APC: variants seen among roughly 807,000 people sequenced by gnomAD.
The protein encoded by APC is adenomatous polyposis coli protein.
In APC, 72 loss-of-function variants were observed where a neutral mutation model predicts 247.0. That is an observed-to-expected ratio of 0.29 (90% confidence interval 0.24 to 0.35). The LOEUF (loss-of-function observed/expected upper bound fraction) is 0.35. Among genes scored for constraint, APC ranks in the 10% least tolerant of loss-of-function variants. The pLI is 1.00. For missense variants in APC, 3,400 were observed against 3,360.7 expected (o/e 1.01, Z -0.29); for synonymous variants, 1,254 against 1,162.5 (o/e 1.08, Z -1.60).
intron 10 of APC, among the ~76,000 whole-genome samples, chr5:112,820,370 C>T (rs1762994124): frequency 2.0e-5 from 3 of 152,008 alleles, no homozygotes; most frequent in African/African-American, 7.3e-5. Flanking sequence ...ATAAGAAAGG[C>T]CAGGTGTGGT....
chr5:112,827,298 T>G, intron 12 of APC, 51 bp downstream of exon 12: 1 of 1,592,316 alleles, frequency 6.3e-7, no homozygotes, highest in Non-Finnish European at 8.6e-7. Flanking sequence ...ATGAGTTAAT[T>G]TACTTTCATA....
chr5:112,836,066 G>T (rs1764867918), intron 15 of APC, among the ~76,000 whole-genome samples: 1 of 133,790 alleles, frequency 7.5e-6, no homozygotes, highest in African/African-American at 2.9e-5. Flanking sequence ...TCTTGCCCGG[G>T]CTGGAGTACA....
At chr5:112,757,963 G>C (rs1755182819) in intron 2 of APC, among the ~76,000 whole-genome samples, 1 of 152,120 alleles carries the variant, frequency 6.6e-6, no homozygotes, top group African/African-American at 2.4e-5. Flanking sequence ...TATACATATT[G>C]AAATATTTAC....
intron 1 of APC, among the ~76,000 whole-genome samples, chr5:112,729,739 GC>G (rs1280614380): frequency 1.3e-5 from 2 of 152,158 alleles, no homozygotes; most frequent in Admixed American, 6.5e-5. Flanking sequence ...AATTTTATCT[GC>G]CAAGTTCCTT....
chr5:112,775,797 C>G (rs2149616973), intron 5 of APC, 60 bp downstream of exon 5: 1 of 890,500 alleles, frequency 1.1e-6, no homozygotes, highest in Admixed American at 2.3e-5. Flanking sequence ...TTTAAAGTAC[C>G]TAGGTAATCC....
chr5:112,790,067 C>T (rs529222253), intron 6 of APC, among the ~76,000 whole-genome samples: 12 of 152,036 alleles, frequency 7.9e-5, no homozygotes, highest in African/African-American at 2.7e-4. Flanking sequence ...ACCATGTTCC[C>T]TAGGCTGGTC....
In APC at chr5:112,840,275, A is replaced by G. The variant is rs1363087815; in HGVS notation, c.4681A>G (p.Lys1561Glu). The change falls in exon 16 of 16, where the codon AAG becomes GAG. Residue 1561 changes from lysine to glutamate, a missense_variant. By Grantham distance (56) the Lys-to-Glu change is moderately conservative. This residue lies in a region of APC where 1,788 missense variants were observed against 1,649.5 expected (regional missense o/e 1.08). Coordinates refer to ENST00000257430, the MANE Select transcript of APC (RefSeq NM_000038.6). The surrounding 1 kb of genome is among the most constrained non-coding windows in gnomAD (Gnocchi z 4.1). Reference sequence around the variant, plus strand: ...GGCAGAAAAAACTATTGATTCTGAAAAGGACCTATTAGATGATTCAGATGA... The same window carrying G: ...GGCAGAAAAAACTATTGATTCTGAAGAGGACCTATTAGATGATTCAGATGA... ...KEAEKTIDSE[K>E]DLLDDSDDDD... The G allele has an allele frequency of 3.1e-6, 5 of 1,614,206 alleles. No homozygotes were observed. Among genetic ancestry groups the G allele is most frequent in the Non-Finnish European group, 4.2e-6 (5 of 1,180,018 alleles).
In APC at chr5:112,824,728, C is replaced by T. The variant is rs184112157; in HGVS notation, c.1409-2380C>T. On this transcript the variant is annotated intron_variant, in intron 11 of 15. Coordinates refer to ENST00000257430, the MANE Select transcript of APC (RefSeq NM_000038.6). Reference sequence around the variant, plus strand: ...GGTATTGATCCTCTGCTTTAAAATACTCGACATCTTGGGGATCTCATTAGT... The same window carrying T: ...GGTATTGATCCTCTGCTTTAAAATATTCGACATCTTGGGGATCTCATTAGT... Among the ~76,000 whole-genome samples, 599 of 152,088 alleles carry T rather than the reference C, an allele frequency of 3.9e-3. 3 individuals carry two copies. Among genetic ancestry groups the T allele is most frequent in the African/African-American group, 0.014 (568 of 41,498 alleles).
chr5:112,808,955 A>G lies in APC; in HGVS notation c.835-6540A>G, dbSNP rs370678881. Among the ~76,000 whole-genome samples the G allele has an allele frequency of 1.8e-4, 27 of 152,204 alleles. 1 individual carries two copies. Among genetic ancestry groups the G allele is most frequent in the African/African-American group, 6.3e-4 (26 of 41,466 alleles). ...AGCTAGAAGGGTAGTGATGCAATTT[A>G]GTAATAATGCTAGATGAGAAGGAGG... On this transcript the variant is annotated intron_variant, in intron 8 of 15. Transcript: ENST00000257430.
intron 9 of APC, 74 bp from the exon 10 acceptor site, chr5:112,818,892 T>A (rs2149777842): frequency 1.6e-6 from 2 of 1,286,930 alleles, no homozygotes; most frequent in East Asian, 2.8e-5. Flanking sequence ...AAATATCCCA[T>A]TCATCACTTA....
In APC at chr5:112,707,795, C is replaced by A. The variant is rs113782655; in HGVS notation, c.78C>A (p.Ser26Arg). The A allele has an allele frequency of 1.7e-3, 2,280 of 1,370,658 alleles. 33 individuals carry two copies. The African/African-American group carries it at 0.03, about 18-fold the overall frequency. 84.9% of individuals were successfully genotyped at this position (1,370,658 alleles called of 1,614,324 possible). A position where few individuals can be genotyped will look rare whatever the true frequency, so the allele number is the denominator to read the frequency against. The change falls in exon 1 of 14, where the codon AGC (serine) becomes AGA (arginine). Residue 26 changes from serine to arginine, a missense_variant. Coordinates refer to the APC transcript ENST00000507379. ...CACCCTCAGTTCTCGGGTCCTGGAG[C>A]ACCGGCGGCAGCAGGAGCTGCGTCC...
chr5:112,818,021 A>G (rs1216071387), intron 9 of APC, among the ~76,000 whole-genome samples: 1 of 152,230 alleles, frequency 6.6e-6, no homozygotes, highest in Non-Finnish European at 1.5e-5. Flanking sequence ...TCTTTGTTGC[A>G]TTCTAGAATG....
chr5:112,737,523 A>G (rs1192076415), upstream of APC, among the ~76,000 whole-genome samples: 1 of 152,204 alleles, frequency 6.6e-6, no homozygotes, highest in East Asian at 1.9e-4. Context: ...AGCAATCGAG[A>G]TGTAATTTAT....
At chr5:112,777,418 C>A (rs964140711) in intron 5 of APC, among the ~76,000 whole-genome samples, 1 of 152,074 alleles carries the variant, frequency 6.6e-6, no homozygotes, top group African/African-American at 2.4e-5. Flanking sequence ...ATATAATATA[C>A]CATGGTATCT....
At chr5:112,789,194 A>G (rs1759307609) in intron 6 of APC, among the ~76,000 whole-genome samples, 1 of 152,238 alleles carries the variant, frequency 6.6e-6, no homozygotes, top group African/African-American at 2.4e-5. Flanking sequence ...TATTAAATAT[A>G]ACTTCACAAA....
chr5:112,813,895 A>G (rs569984781), intron 8 of APC, among the ~76,000 whole-genome samples: 1 of 152,222 alleles, frequency 6.6e-6, no homozygotes, highest in African/African-American at 2.4e-5. Flanking sequence ...CTCAAAACCT[A>G]TTACTCCCAT....
At chr5:112,767,464 A>G in intron 4 of APC, 74 bp downstream of exon 4, 2 of 1,257,840 alleles carry the variant, frequency 1.6e-6, no homozygotes, top group Non-Finnish European at 2.3e-6. Flanking sequence ...TAATATTTAA[A>G]TTGTGAATTT....
chr5:112,836,914 T>G (rs1485353876), intron 15 of APC, among the ~76,000 whole-genome samples: 1 of 152,138 alleles, frequency 6.6e-6, no homozygotes, highest in Admixed American at 6.5e-5. Context: ...TTGGCCAGGC[T>G]GGTCTTGATC....
At chr5:112,716,060 T>C (rs147123856) in intron 1 of APC, among the ~76,000 whole-genome samples, 2 of 152,278 alleles carry the variant, frequency 1.3e-5, no homozygotes, top group Non-Finnish European at 2.9e-5. Context: ...GAGAACCGTA[T>C]TTTGAATTTT....
Sources: gnomAD v4.1 joint callset for allele counts (sites outside exome capture counted in the v4.1 genomes callset) on GRCh38, gnomAD v4.1.1 for gene constraint, gnomAD v4.1.1 regional missense constraint, Gnocchi (gnomAD v3.1) non-coding constraint, MANE v1.5 for transcripts, NCBI Gene and HGNC (gene_info 2026-07-23, HGNC 2026-07-21) for gene names.